Variants in NIM1K observed in about 807,000 individuals in gnomAD.
NIM1K encodes serine/threonine-protein kinase NIM1.
Under a neutral mutation model 37.1 loss-of-function variants are expected in NIM1K, and 35 were observed. The ratio of observed to expected loss-of-function variants is 0.94; its 90% CI spans 0.72 to 1.25. The LOEUF is 1.25. Ranked by LOEUF, NIM1K falls within the 50% of genes most tolerant of loss-of-function variation. The pLI is 0.00. For missense variants in NIM1K, 564 were observed against 548.0 expected (o/e 1.03, Z -0.29); for synonymous variants, 234 against 206.6 (o/e 1.13, Z -1.14).
At chr5:43,244,835 T>G (rs1273261097) in intron 1 of NIM1K, among the ~76,000 whole-genome samples, 1 of 152,190 alleles carries the variant, frequency 6.6e-6, no homozygotes, top group African/African-American at 2.4e-5. Context: ...CTTTAAGAAA[T>G]AGAAAAATTG....
rs1213308863 is a variant in NIM1K, at chr5:43,269,317, AAAG to A, written c.293-7737_293-7735del. 6.8e-4 allele frequency among the ~76,000 whole-genome samples: 96 copies of A among 141,054 alleles called. 3 individuals are homozygous for A. The highest frequency in any genetic ancestry group is 2.8e-3 in the African/African-American group (92 of 32,676). The allele number at this position is 141,054 out of a possible 152,430, so 92.5% of individuals were successfully genotyped here. A position where few individuals can be genotyped will look rare whatever the true frequency, so the allele number is the denominator to read the frequency against. On this transcript the variant is annotated intron_variant, in intron 2 of 3. Coordinates refer to ENST00000326035, the MANE Select transcript of NIM1K (RefSeq NM_153361.4). ...AAGTGAGACTTCATCTCAAAAAAAA[AAAG>A]AAAAAAAAAAAAGAATAGCTACTCC...
intron 1 of NIM1K, among the ~76,000 whole-genome samples, chr5:43,217,812 A>G (rs2112226401): frequency 6.7e-6 from 1 of 148,896 alleles, no homozygotes; most frequent in East Asian, 2.0e-4. Flanking sequence ...CCTGAGTTCA[A>G]GAAATTCTCC....
At chr5:43,211,556 A>C (rs1026919725) in intron 1 of NIM1K, among the ~76,000 whole-genome samples, 1 of 152,186 alleles carries the variant, frequency 6.6e-6, no homozygotes, top group African/African-American at 2.4e-5. Context: ...AATATATCAT[A>C]TTCTGGAATA....
At position 43,277,762 on chromosome 5, in the gene NIM1K, C is replaced by CT. The variant is rs1328963346; in HGVS notation, c.561+437_561+438insT. 9.3e-5 allele frequency among the ~76,000 whole-genome samples: 14 copies of CT among 150,514 alleles called. No individual in the cohort carries two copies. The East Asian group carries it at 2.7e-3, about 30-fold the overall frequency. The stretch of plus-strand genomic sequence containing the variant: ...AGCTTGGTTCTCTCTCTCTCTCTCT[C>CT]CCCCACCCCCCCTCTCCGTGTGTGT... On this transcript the variant is annotated intron_variant, in intron 3 of 3. Transcript: ENST00000326035.
chr5:43,264,155 A>C (rs1753082727), intron 2 of NIM1K, among the ~76,000 whole-genome samples: 1 of 152,216 alleles, frequency 6.6e-6, no homozygotes, highest in Non-Finnish European at 1.5e-5. Context: ...TGCAGAGCTG[A>C]GTTCAAGTCC....
intron 1 of NIM1K, among the ~76,000 whole-genome samples, chr5:43,233,922 GC>G (rs1267089290): frequency 6.6e-6 from 1 of 152,154 alleles, no homozygotes; most frequent in African/African-American, 2.4e-5. Context: ...TTGTTTGGAG[GC>G]AGGCATAGGT....
At chr5:43,223,751 ATG>A (rs1561078314) in intron 1 of NIM1K, among the ~76,000 whole-genome samples, 1 of 152,208 alleles carries the variant, frequency 6.6e-6, no homozygotes, top group African/African-American at 2.4e-5. Context: ...GAGCCCCTAG[ATG>A]GATAATTCAG....
chr5:43,232,293 C>A (rs1752551144), intron 1 of NIM1K: 14 of 1,167,522 alleles, frequency 1.2e-5, no homozygotes, highest in Non-Finnish European at 1.8e-5. Context: ...TGAAAGCAAG[C>A]ACTGGCAGTC....
Position 43,195,733 on chromosome 5 carries a change from C to T in NIM1K, c.-695+3322C>T, listed in dbSNP as rs149958583. On this transcript the variant is annotated intron_variant, in intron 1 of 3. Coordinates refer to ENST00000326035, the MANE Select transcript of NIM1K (RefSeq NM_153361.4). ...CGAGACAAAAATCTAAATTGTCTGA[C>T]ATGAGCATTATGAATATGAGCATTA... Among the ~76,000 whole-genome samples, 953 of 149,988 alleles carry T rather than the reference C, an allele frequency of 6.4e-3. 8 individuals carry two copies. The highest frequency in any genetic ancestry group is 0.023 in the African/African-American group (917 of 40,744).
chr5:43,267,722 G>T (rs1753186522), intron 2 of NIM1K, among the ~76,000 whole-genome samples: 1 of 152,094 alleles, frequency 6.6e-6, no homozygotes. Context: ...ATTTATACAG[G>T]AGCAGATTTT....
chr5:43,224,733 G>T lies in NIM1K; in HGVS notation c.-694-20349G>T, dbSNP rs190581250. Among the ~76,000 whole-genome samples, 318 of 135,906 alleles carry T rather than the reference G, an allele frequency of 2.3e-3. 13 individuals are homozygous for T. The Admixed American group carries it at 0.024, about 10-fold the overall frequency. The allele number at this position is 135,906 out of a possible 152,430, so 89.2% of individuals were successfully genotyped here. A position where few individuals can be genotyped will look rare whatever the true frequency, so the allele number is the denominator to read the frequency against. Reference sequence around the variant, plus strand: ...TTTTTTTGAGACAGCTTCTCGCTCTGTCACCCAGGCTTGGGGGCAGTGGCG... The same window carrying T: ...TTTTTTTGAGACAGCTTCTCGCTCTTTCACCCAGGCTTGGGGGCAGTGGCG... On this transcript the variant is annotated intron_variant, in intron 1 of 3. Transcript: ENST00000326035.
In NIM1K at chr5:43,249,044, TTTTATTTA is replaced by T. The variant is rs58657107; in HGVS notation, c.292+3013_292+3020del. 5.8e-3 allele frequency among the ~76,000 whole-genome samples: 807 copies of T among 139,174 alleles called. 3 individuals carry two copies. The highest frequency in any genetic ancestry group is 0.018 in the African/African-American group (676 of 36,676). 91.3% of individuals were successfully genotyped at this position (139,174 alleles called of 152,430 possible). On this transcript the variant is annotated intron_variant, in intron 2 of 3. Coordinates refer to ENST00000326035, the MANE Select transcript of NIM1K (RefSeq NM_153361.4). ...GTGCCACCTTGCCCGGCTAGTTTATTTTTATTTATTTATTTATTTATTTATTTATTTAT... is the reference window on the plus strand; with the variant it reads ...GTGCCACCTTGCCCGGCTAGTTTATTTTTATTTATTTATTTATTTATTTAT...
intron 2 of NIM1K, among the ~76,000 whole-genome samples, chr5:43,273,445 G>A (rs923769613): frequency 6.6e-6 from 1 of 152,058 alleles, no homozygotes; most frequent in African/African-American, 2.4e-5. Context: ...TCTTGACCTT[G>A]TGATCCACCC....
intron 2 of NIM1K, among the ~76,000 whole-genome samples, chr5:43,265,481 G>C (rs1423607182): frequency 6.6e-6 from 1 of 152,098 alleles, no homozygotes; most frequent in Non-Finnish European, 1.5e-5. Context: ...GTCATTTAAG[G>C]TCTTCTCTAT....
chr5:43,240,073 C>A (rs1033629566), intron 1 of NIM1K, among the ~76,000 whole-genome samples: 8 of 151,756 alleles, frequency 5.3e-5, no homozygotes, highest in African/African-American at 9.7e-5. Context: ...TTTTTCTTTT[C>A]TTTTTTTCTT....
At chr5:43,200,325 G>A (rs1045953148) in intron 1 of NIM1K, among the ~76,000 whole-genome samples, 1 of 151,162 alleles carries the variant, frequency 6.6e-6, no homozygotes, top group Non-Finnish European at 1.5e-5. Context: ...TTTTGAGATG[G>A]AGTCTCACTC....
At chr5:43,229,940 G>C (rs369042746) in intron 1 of NIM1K, among the ~76,000 whole-genome samples, 12 of 150,228 alleles carry the variant, frequency 8.0e-5, no homozygotes, top group African/African-American at 3.0e-4. Flanking sequence ...CCTAATTTTA[G>C]CCTCTTTTTT....
intron 1 of NIM1K, among the ~76,000 whole-genome samples, chr5:43,201,946 A>G (rs1227610570): frequency 1.3e-5 from 2 of 150,718 alleles, no homozygotes; most frequent in East Asian, 3.9e-4. Context: ...TGACAGAGCG[A>G]GACTCCCTCT....
intron 1 of NIM1K, among the ~76,000 whole-genome samples, chr5:43,226,413 A>G (rs991724783): frequency 1.3e-5 from 2 of 152,190 alleles, no homozygotes; most frequent in Admixed American, 6.5e-5. Context: ...AAATATTTTG[A>G]AGGTAGAGCC....
Sources: allele counts gnomAD v4.1 joint callset (sites outside exome capture counted in the v4.1 genomes callset), GRCh38; gene constraint gnomAD v4.1.1; transcripts MANE v1.5; gene names NCBI Gene and HGNC (gene_info 2026-07-23, HGNC 2026-07-21).